Variants in MSTO1 observed in about 807,000 individuals in gnomAD.
MSTO1 encodes the protein misato mitochondrial distribution and morphology regulator 1.
In MSTO1, 24 loss-of-function variants were observed where a neutral mutation model predicts 55.7. The observed-to-expected ratio is 0.43, with a 90% confidence interval of 0.31 to 0.61. The LOEUF is 0.61. MSTO1 is among the 20% of genes least tolerant of loss of function. The probability of loss-of-function intolerance (pLI) is 0.09; values close to 1 mark genes in which losing one functional copy is unlikely to be tolerated. For missense variants in MSTO1, 363 were observed against 625.7 expected, an observed-to-expected ratio of 0.58 and a Z score of 4.48; for synonymous variants, 162 against 252.8, an observed-to-expected ratio of 0.64 and a Z score of 3.41.
chr1:155,563,730 T>C, the MSTO1 span: 1 of 362,018 alleles, frequency 2.8e-6, no homozygotes, highest in African/African-American at 2.1e-5. Flanking sequence ...TATCAAAAAG[T>C]GTACATAAAA....
upstream of MSTO1, among the ~76,000 whole-genome samples, chr1:155,609,243 A>ATATATATATATATATATATTTTTT (rs59756178): frequency 3.7e-5 from 2 of 54,578 alleles, no homozygotes; most frequent in East Asian, 1.9e-3. Context: ...ATATATATAT[A>ATATATATATATATATATATTTTTT]TTTTTTTTTT....
chr1:155,592,994 C>T, the MSTO1 span, among the ~76,000 whole-genome samples: 6 of 152,208 alleles, frequency 3.9e-5, no homozygotes, highest in East Asian at 1.9e-4. Flanking sequence ...TCACTGCAAC[C>T]TCCACCTCCC....
At position 155,612,850 on chromosome 1, in the gene MSTO1, C is replaced by G. The variant is rs759750580; in HGVS notation, c.973C>G (p.Leu325Val). 2.5e-6 allele frequency: 4 copies of G among 1,613,926 alleles called. No individual in the cohort carries two copies. Among genetic ancestry groups the G allele is most frequent in the Non-Finnish European group, 3.4e-6 (4 of 1,179,848 alleles). The change falls in exon 10 of 14, where the codon CTG becomes GTG. Residue 325 changes from leucine (L) to valine (V), a missense_variant. Transcript: ENST00000245564. The stretch of plus-strand genomic sequence containing the variant: ...TCTTGGTGTCTTCTTACAGGCCACT[C>G]TGCCCTTCCACTGCAGTGCCATCCT... ...SFPYLHYDAT[L>V]PFHCSAILAT...
the MSTO1 span, among the ~76,000 whole-genome samples, chr1:155,593,976 A>G: frequency 6.6e-6 from 1 of 151,952 alleles, no homozygotes; most frequent in African/African-American, 2.4e-5. Context: ...CTAAAAAAAA[A>G]AAAATGCCAT....
upstream of MSTO1, among the ~76,000 whole-genome samples, chr1:155,609,466 T>A (rs1482515891): frequency 6.6e-6 from 1 of 151,414 alleles, no homozygotes; most frequent in African/African-American, 2.4e-5. Context: ...GCCAGGATGG[T>A]CTCGATCTCT....
the MSTO1 span, chr1:155,563,520 T>C: frequency 3.7e-5 from 17 of 456,278 alleles, no homozygotes; most frequent in Non-Finnish European, 5.3e-5. Flanking sequence ...TTGTTAACCC[T>C]CCTCGGATTT....
the MSTO1 span, among the ~76,000 whole-genome samples, chr1:155,591,600 G>C: frequency 6.6e-6 from 1 of 152,086 alleles, no homozygotes; most frequent in Non-Finnish European, 1.5e-5. Flanking sequence ...AGACCAGCCT[G>C]ACCAACATGG....
the MSTO1 span, among the ~76,000 whole-genome samples, chr1:155,591,877 G>A: frequency 2.6e-5 from 4 of 151,984 alleles, no homozygotes; most frequent in Admixed American, 6.6e-5. Flanking sequence ...GCTGAGGCAG[G>A]AGGATCATGC....
chr1:155,564,065 T>C, the MSTO1 span: 1 of 165,222 alleles, frequency 6.1e-6, no homozygotes, highest in Admixed American at 5.5e-5. Context: ...CAAAGTTTAC[T>C]TGATCTAGTA....
downstream of MSTO1, chr1:155,614,958 G>GT (rs1675279904): frequency 1.1e-6 from 1 of 932,412 alleles, no homozygotes. Context: ...AAAATCTTTT[G>GT]TTTATTCCAC....
the MSTO1 span, among the ~76,000 whole-genome samples, chr1:155,582,341 G>T: frequency 6.6e-5 from 10 of 152,186 alleles, no homozygotes; most frequent in Non-Finnish European, 1.0e-4. Flanking sequence ...AGTATTAGTG[G>T]CATTCAGCCT....
At chr1:155,608,891 A>G (rs1272202885), upstream of MSTO1, among the ~76,000 whole-genome samples, 2 of 147,544 alleles carry the variant, frequency 1.4e-5, no homozygotes, top group South Asian at 2.1e-4. Context: ...GTGGCGTGAT[A>G]TCGGCTCACT....
the MSTO1 span, among the ~76,000 whole-genome samples, chr1:155,599,805 G>T: frequency 6.6e-6 from 1 of 152,182 alleles, no homozygotes; most frequent in Non-Finnish European, 1.5e-5. Context: ...GTGAACAAAG[G>T]TCTTTGCATC....
intron 9 of MSTO1, 53 bp downstream of exon 9, chr1:155,612,623 G>C: frequency 6.4e-7 from 1 of 1,555,550 alleles, no homozygotes; most frequent in African/African-American, 1.4e-5. Flanking sequence ...GCCTCCTCAT[G>C]CTCCCAGTCA....
chr1:155,573,812 T>TG, the MSTO1 span, among the ~76,000 whole-genome samples: 1 of 136,836 alleles, frequency 7.3e-6, no homozygotes, highest in Non-Finnish European at 1.5e-5. Context: ...CACTCCAGCC[T>TG]GGGTGACAAA....
chr1:155,609,469 C>G (rs1464517684), upstream of MSTO1, among the ~76,000 whole-genome samples: 1 of 149,988 alleles, frequency 6.7e-6, no homozygotes, highest in African/African-American at 2.5e-5. Context: ...AGGATGGTCT[C>G]GATCTCTTGA....
chr1:155,590,709 G>T, the MSTO1 span: 2 of 1,552,792 alleles, frequency 1.3e-6, no homozygotes, highest in East Asian at 4.5e-5. Context: ...CCCCGGAGGG[G>T]CAAGTGCAGC....
the MSTO1 span, among the ~76,000 whole-genome samples, chr1:155,582,039 T>C: frequency 6.7e-6 from 1 of 149,786 alleles, no homozygotes; most frequent in African/African-American, 2.5e-5. Flanking sequence ...CACCGCAACC[T>C]CCACCTCCTG....
chr1:155,595,544 G>A, the MSTO1 span, among the ~76,000 whole-genome samples: 2 of 149,794 alleles, frequency 1.3e-5, no homozygotes, highest in African/African-American at 4.9e-5. Flanking sequence ...CTGGAGTGCA[G>A]TGCTGTGATC....
Sources: gnomAD v4.1 joint callset for allele counts (sites outside exome capture counted in the v4.1 genomes callset) on GRCh38, gnomAD v4.1.1 for gene constraint, MANE v1.5 for transcripts, NCBI Gene and HGNC (gene_info 2026-07-23, HGNC 2026-07-21) for gene names.